The following RB1 variants were observed in gnomAD, a reference collection of about 807,000 sequenced individuals.
RB1 encodes RB transcriptional corepressor 1.
A neutral mutation model predicts 135.4 loss-of-function variants in RB1; 18 were observed. That is an observed-to-expected ratio of 0.13 (90% confidence interval 0.09 to 0.20). The LOEUF (loss-of-function observed/expected upper bound fraction) is 0.20. RB1 is among the 10% of genes least tolerant of loss of function. The pLI is 1.00. For missense variants in RB1, 868 were observed against 1,110.0 expected (o/e 0.78, Z 3.10); for synonymous variants, 365 against 373.2 (o/e 0.98, Z 0.25).
At chr13:48,372,576 G>A (rs4151520) in intron 11 of RB1, among the ~76,000 whole-genome samples, 29,864 of 151,732 alleles carry the variant, frequency 0.2, 3,296 homozygotes, top group South Asian at 0.26. Flanking sequence ...ACTTGAACCC[G>A]GGAAGTGGAG....
At chr13:48,390,575 C>T (rs915358573) in intron 17 of RB1, among the ~76,000 whole-genome samples, 3 of 152,072 alleles carry the variant, frequency 2.0e-5, no homozygotes, top group Non-Finnish European at 4.4e-5. Context: ...AAGCAAAACT[C>T]CTGGCTCACT....
chr13:48,359,951 G>A, intron 6 of RB1, 66 bp from the exon 7 acceptor site: 4 of 1,591,816 alleles, frequency 2.5e-6, no homozygotes, highest in Non-Finnish European at 3.4e-6. Context: ...ACTCTACCCT[G>A]CGATTTTCTC....
At chr13:48,394,611 G>A (rs1000631201) in intron 17 of RB1, among the ~76,000 whole-genome samples, 5 of 152,188 alleles carry the variant, frequency 3.3e-5, no homozygotes, top group Admixed American at 2.6e-4. Context: ...TCCCCTCACA[G>A]TGTAAACAAA....
chr13:48,373,630 T>C (rs1458373252), intron 12 of RB1, 138 bp downstream of exon 12: 2 of 590,038 alleles, frequency 3.4e-6, no homozygotes, highest in East Asian at 5.8e-5. Context: ...TCTTGCTTTT[T>C]TAATCTTACA....
intron 11 of RB1, among the ~76,000 whole-genome samples, chr13:48,371,901 T>A (rs1335378858): frequency 6.6e-6 from 1 of 152,162 alleles, no homozygotes; most frequent in African/African-American, 2.4e-5. Flanking sequence ...GAGATCTACC[T>A]CCTGTCAGAT....
intron 13 of RB1, among the ~76,000 whole-genome samples, chr13:48,378,668 TTATTAAG>T: frequency 6.6e-6 from 1 of 152,224 alleles, no homozygotes; most frequent in Middle Eastern, 3.4e-3. Context: ...AACATGTTCA[TTATTAAG>T]TATTATGTAC....
intron 4 of RB1, among the ~76,000 whole-genome samples, chr13:48,347,131 A>G (rs1160675968): frequency 6.6e-6 from 1 of 152,066 alleles, no homozygotes; most frequent in Non-Finnish European, 1.5e-5. Context: ...AGAAGCAGGA[A>G]TTACATAGTG....
intron 1 of RB1, among the ~76,000 whole-genome samples, chr13:48,305,892 A>G (rs1246869541): frequency 6.6e-6 from 1 of 152,216 alleles, no homozygotes; most frequent in Non-Finnish European, 1.5e-5. Flanking sequence ...CTGTTGCCTT[A>G]TCTCTGGCCT....
chr13:48,436,949 C>CAGTTAAG (rs1299769067), intron 17 of RB1, among the ~76,000 whole-genome samples: 2 of 152,170 alleles, frequency 1.3e-5, no homozygotes, highest in Non-Finnish European at 2.9e-5. Flanking sequence ...TCTACTAGCA[C>CAGTTAAG]TACTGACTTG....
intron 2 of RB1, among the ~76,000 whole-genome samples, chr13:48,313,302 G>T (rs1337406226): frequency 6.6e-6 from 1 of 151,120 alleles, no homozygotes; most frequent in East Asian, 1.9e-4. Context: ...TCTGTGAGTT[G>T]CCTTTTCACT....
chr13:48,345,199 GGTAAA>G lies in RB1; in HGVS notation c.500+6_500+10del, dbSNP rs1328603105. The G allele has an allele frequency of 1.2e-6, 2 of 1,611,336 alleles. No homozygotes were observed. Among genetic ancestry groups the G allele is most frequent in the Non-Finnish European group, 1.7e-6 (2 of 1,179,144 alleles). On this transcript the variant is annotated splice_donor_variant and splice_donor_5th_base_variant and intron_variant, in intron 4 of 26. Coordinates refer to ENST00000267163, the MANE Select transcript of RB1 (RefSeq NM_000321.3). LOFTEE classifies it high-confidence loss of function. ...TTTGCACTCTTCAGCAAATTGGAAAGGTAAAGTAAACATTTTATTAGGTTTACACT... is the reference window on the plus strand; with the variant it reads ...TTTGCACTCTTCAGCAAATTGGAAAGGTAAACATTTTATTAGGTTTACACT...
chr13:48,457,415 T>G (rs919730810), intron 19 of RB1, among the ~76,000 whole-genome samples: 1 of 152,180 alleles, frequency 6.6e-6, no homozygotes, highest in African/African-American at 2.4e-5. Context: ...AGACTCGGGC[T>G]TCTGTGGGCC....
chr13:48,367,439 C>G, intron 9 of RB1, 55 bp from the exon 10 acceptor site: 2 of 1,571,058 alleles, frequency 1.3e-6, no homozygotes, highest in Non-Finnish European at 1.7e-6. Context: ...CCTCTGTGTG[C>G]TGAGAGATGT....
chr13:48,409,684 G>A (rs534437463), intron 17 of RB1, among the ~76,000 whole-genome samples: 1 of 140,642 alleles, frequency 7.1e-6, no homozygotes, highest in Admixed American at 8.1e-5. Flanking sequence ...GGGTTCAAGC[G>A]ATTCTCCTGC....
chr13:48,453,023 T>C lies in RB1; in HGVS notation c.1726T>C (p.Ser576Pro), dbSNP rs1423561311. 1 of 1,613,118 alleles carries C rather than the reference T, an allele frequency of 6.2e-7. No individual in the cohort carries two copies. The highest frequency in any genetic ancestry group is 1.1e-5 in the South Asian group (1 of 91,072). The stretch of plus-strand genomic sequence containing the variant: ...ACCTTTATTTGATCTTATTAAACAA[T>C]CAAAGGACCGAGAAGGACCAACTGA... ...DSPLFDLIKQ[S>P]KDREGPTDHL... The change falls in exon 18 of 27, where the codon TCA (serine) becomes CCA (proline). Residue 576 changes from serine to proline, a missense_variant. By Grantham distance (74) the Ser-to-Pro change is moderately conservative. Coordinates refer to ENST00000267163, the MANE Select transcript of RB1 (RefSeq NM_000321.3).
At chr13:48,449,424 C>A (rs896077829) in intron 17 of RB1, among the ~76,000 whole-genome samples, 18 of 152,150 alleles carry the variant, frequency 1.2e-4, no homozygotes, top group African/African-American at 4.3e-4. Flanking sequence ...CTGCCACATC[C>A]TTTTGGTGGG....
chr13:48,318,681 A>G, intron 2 of RB1: 1 of 615,930 alleles, frequency 1.6e-6, no homozygotes, highest in East Asian at 3.0e-5. Flanking sequence ...GGACGGCCTC[A>G]TGGCATGGCC....
Position 48,464,981 on chromosome 13 carries a change from T to TAATTTTA in RB1, c.2212-17_2212-16insAATTTTA. 6.8e-7 allele frequency: 1 copy of TAATTTTA among 1,462,490 alleles called. No homozygotes were observed. Among genetic ancestry groups the TAATTTTA allele is most frequent in the Non-Finnish European group, 9.2e-7 (1 of 1,091,420 alleles). 90.6% of individuals were successfully genotyped at this position (1,462,490 alleles called of 1,614,324 possible). On this transcript the variant is annotated splice_polypyrimidine_tract_variant and intron_variant, in intron 21 of 26. Coordinates refer to ENST00000267163, the MANE Select transcript of RB1 (RefSeq NM_000321.3). ...TACTTTTTTTTTTTTTTTTTTTTTT[T>TAATTTTA]TACTGTTCTTCCTCAGACATTCAAA... is the stretch of plus-strand genomic sequence containing the variant.
intron 17 of RB1, among the ~76,000 whole-genome samples, chr13:48,386,176 G>A (rs1418130613): frequency 6.6e-6 from 1 of 152,012 alleles, no homozygotes; most frequent in Non-Finnish European, 1.5e-5. Context: ...AACTAGAATG[G>A]GAGCTTTAAG....
Sources: gnomAD v4.1 joint callset for allele counts (sites outside exome capture counted in the v4.1 genomes callset) on GRCh38, gnomAD v4.1.1 for gene constraint, MANE v1.5 for transcripts, NCBI Gene and HGNC (gene_info 2026-07-23, HGNC 2026-07-21) for gene names.